NBPF9: variants seen among roughly 807,000 people sequenced by gnomAD.
NBPF9 encodes the protein NBPF family member NBPF9.
In NBPF9, 91 loss-of-function variants were observed where a neutral mutation model predicts 97.8. The observed-to-expected ratio is 0.93, with a 90% CI of 0.79 to 1.11. NBPF9 has a LOEUF of 1.11. Among genes scored for constraint, NBPF9 ranks in the 50% least tolerant of loss-of-function variants. The probability of loss-of-function intolerance (pLI) is 0.00; values close to 1 mark genes in which losing one functional copy is unlikely to be tolerated. For missense variants in NBPF9, 992 were observed against 939.5 expected (o/e 1.06, Z -0.73); for synonymous variants, 334 against 359.5 (o/e 0.93, Z 0.80).
chr1:149,055,558 G>C, exon 30 of NBPF9: 3 of 1,564,696 alleles, frequency 1.9e-6, no homozygotes, highest in Non-Finnish European at 2.6e-6. Flanking sequence ...CCCATCCTAT[G>C]TCTGGGCTTC....
At chr1:149,084,525 C>A (rs1173633024) in intron 5 of NBPF9, among the ~76,000 whole-genome samples, 152 of 147,850 alleles carry the variant, frequency 1.0e-3, no homozygotes, top group Middle Eastern at 3.5e-3. Flanking sequence ...GCATCGAGCT[C>A]TCCGCCTCCC....
chr1:149,060,530 G>A lies in NBPF9; in HGVS notation c.2469C>T (p.Asp823=), dbSNP rs1272384851. Residue 823 remains aspartate (D), a synonymous_variant, in exon 24 of 30, where the codon GAC becomes GAT. Transcript: ENST00000584027. ...TCATAGAAAGGTACTCACCTCCCAC[G>A]TCAAGAGAAAAGCCAACATGTTTTT... 2.0e-4 allele frequency: 68 copies of A among 337,824 alleles called. 5 individuals are homozygous for A. Among genetic ancestry groups the A allele is most frequent in the East Asian group, 1.4e-3 (37 of 26,238 alleles). The allele number at this position is 337,824 out of a possible 1,614,324, so 20.9% of individuals were successfully genotyped here.
At chr1:149,055,674 T>A in exon 30 of NBPF9, 1 of 1,611,878 alleles carries the variant, frequency 6.2e-7, no homozygotes, top group Non-Finnish European at 8.5e-7. Flanking sequence ...GGAATATGAC[T>A]TCCATCTGGA....
At chr1:149,099,638 A>G (rs2082014421) in intron 3 of NBPF9, among the ~76,000 whole-genome samples, 1 of 152,230 alleles carries the variant, frequency 6.6e-6, no homozygotes, top group Non-Finnish European at 1.5e-5. Context: ...CATAAATAAT[A>G]GCTGTTAAGA....
chr1:149,069,769 G>A (rs1553652547), intron 16 of NBPF9, 124 bp from the exon 17 acceptor site: 3 of 742,192 alleles, frequency 4.0e-6, no homozygotes, highest in Non-Finnish European at 4.9e-6. Flanking sequence ...ATTCTGACAG[G>A]AATATTCTAG....
At chr1:149,077,888 G>A in exon 10 of NBPF9, 5 of 1,561,764 alleles carry the variant, frequency 3.2e-6, no homozygotes, top group East Asian at 2.2e-5. Flanking sequence ...GTTACCTGGG[G>A]GCAGATGATT....
Position 149,062,880 on chromosome 1 carries a change from T to G in NBPF9, c.2060A>C (p.Gln687Pro), listed in dbSNP as rs782432539. 3 of 758,428 alleles carry G rather than the reference T, an allele frequency of 4.0e-6. No homozygotes were observed. In the African/African-American group the frequency reaches 5.3e-5, roughly 13 times the overall value. The allele number at this position is 758,428 out of a possible 1,614,324, so 47.0% of individuals were successfully genotyped here. Reference sequence around the variant, plus strand: ...AAGTTACCTGGGGCATGATGGGTCTTGGTCTTCTTCCACTTCTTGGTACTT... The same window carrying G: ...AAGTTACCTGGGGCATGATGGGTCTGGGTCTTCTTCCACTTCTTGGTACTT... The change falls in exon 21 of 30, where the codon CAA (glutamine) becomes CCA (proline). Residue 687 changes from glutamine to proline, a missense_variant. Gln to Pro is a moderately conservative substitution (Grantham distance 76). Transcript: ENST00000584027.
intron 5 of NBPF9, among the ~76,000 whole-genome samples, chr1:149,085,077 T>C (rs1490962118): frequency 6.6e-6 from 1 of 151,970 alleles, no homozygotes; most frequent in Non-Finnish European, 1.5e-5. Context: ...TTCCTTCACA[T>C]ACACACACCA....
chr1:149,093,308 G>C (rs587651838), intron 4 of NBPF9, among the ~76,000 whole-genome samples: 4 of 151,248 alleles, frequency 2.6e-5, no homozygotes, highest in African/African-American at 4.9e-5. Context: ...ATATACAATC[G>C]GGCTTTACAC....
intron 11 of NBPF9, among the ~76,000 whole-genome samples, chr1:149,076,596 G>A (rs1382157039): frequency 6.7e-6 from 1 of 149,838 alleles, no homozygotes; most frequent in African/African-American, 2.4e-5. Flanking sequence ...TCCGGTTCCT[G>A]GGTTCATGCC....
chr1:149,082,026 G>C lies in NBPF9; in HGVS notation c.114C>G (p.Leu38=), dbSNP rs782693912. ...GTTGAGTTAGAAAACATCTCTCTTTGAGGTTTCCGAACTGCTGTTTGTTCT... is the reference window on the plus strand; with the variant it reads ...GTTGAGTTAGAAAACATCTCTCTTTCAGGTTTCCGAACTGCTGTTTGTTCT... The change falls in exon 7 of 30, where the codon CTC becomes CTG. Residue 38 remains leucine, a synonymous_variant. Coordinates refer to ENST00000584027, the Ensembl canonical transcript of NBPF9. The C allele has an allele frequency of 5.0e-6, 8 of 1,609,622 alleles. No individual in the cohort carries two copies. In the Admixed American group the frequency reaches 1.0e-4, roughly 20 times the overall value.
rs1309673484 is a variant in NBPF9 at position 149,055,437 on chromosome 1, G to A, written c.*219C>T. 23 of 756,480 alleles carry A rather than the reference G, an allele frequency of 3.0e-5. No homozygotes were observed. The East Asian group carries it at 4.8e-4, about 16-fold the overall frequency. 46.9% of individuals were successfully genotyped at this position (756,480 alleles called of 1,614,324 possible). On this transcript the variant is annotated 3_prime_UTR_variant, in exon 30 of 30. Transcript: ENST00000584027. Reference sequence around the variant, plus strand: ...GTCTGACTGATCACTCCCGGCATGTGCTGCACAGTTATGTGAACGTGTCAC... The same window carrying A: ...GTCTGACTGATCACTCCCGGCATGTACTGCACAGTTATGTGAACGTGTCAC...
At chr1:149,097,911 T>C (rs1325341725) in intron 4 of NBPF9, among the ~76,000 whole-genome samples, 65 of 152,078 alleles carry the variant, frequency 4.3e-4, no homozygotes, top group South Asian at 1.2e-3. Context: ...GCCTCTCTTT[T>C]AACCCATTAT....
At chr1:149,076,585 C>A (rs1322025441) in intron 11 of NBPF9, among the ~76,000 whole-genome samples, 10 of 150,314 alleles carry the variant, frequency 6.7e-5, no homozygotes, top group African/African-American at 1.9e-4. Flanking sequence ...TCACTGCAAG[C>A]TCCGGTTCCT....
At chr1:149,087,833 T>TC (rs1213849102) in intron 5 of NBPF9, among the ~76,000 whole-genome samples, 3 of 133,990 alleles carry the variant, frequency 2.2e-5, no homozygotes, top group African/African-American at 8.6e-5. Context: ...CTTTCCTTTT[T>TC]TTTTTTTTTT....
At chr1:149,089,837 T>C (rs1343314534) in intron 5 of NBPF9, among the ~76,000 whole-genome samples, 1 of 152,268 alleles carries the variant, frequency 6.6e-6, no homozygotes, top group Admixed American at 6.5e-5. Flanking sequence ...CCTCGCTCAA[T>C]TATGGGTTGA....
In NBPF9 at chr1:149,061,734, C is replaced by T. The variant is rs1300241332; in HGVS notation, c.2252-351G>A. The T allele has an allele frequency of 4.6e-5, 12 of 262,014 alleles. 1 individual carries two copies. Among genetic ancestry groups the T allele is most frequent in the Non-Finnish European group, 6.2e-5 (9 of 145,342 alleles). 16.2% of individuals were successfully genotyped at this position (262,014 alleles called of 1,614,324 possible). On this transcript the variant is annotated intron_variant, in intron 22 of 29. Coordinates refer to ENST00000584027, the Ensembl canonical transcript of NBPF9. Reference sequence around the variant, plus strand: ...GCCCTGTCTCATCAAATGCCCAGCTCGTTCATGGATGCAAGAATTTTAGAC... The same window carrying T: ...GCCCTGTCTCATCAAATGCCCAGCTTGTTCATGGATGCAAGAATTTTAGAC...
chr1:149,078,894 T>C, intron 9 of NBPF9, 113 bp downstream of exon 9: 1 of 1,591,164 alleles, frequency 6.3e-7, no homozygotes, highest in Non-Finnish European at 8.6e-7. Flanking sequence ...CATGGCCACA[T>C]ATGTGTAGCA....
At chr1:149,068,353 C>T (rs1427927129) in intron 17 of NBPF9, among the ~76,000 whole-genome samples, 1 of 151,114 alleles carries the variant, frequency 6.6e-6, no homozygotes, top group South Asian at 2.1e-4. Flanking sequence ...AGAGTCAAGA[C>T]CCATCAGTGT....
Sources: allele counts gnomAD v4.1 joint callset (sites outside exome capture counted in the v4.1 genomes callset), GRCh38; gene constraint gnomAD v4.1.1; transcripts MANE v1.5; gene names NCBI Gene and HGNC (gene_info 2026-07-23, HGNC 2026-07-21).